MORC1: variants seen among roughly 807,000 people sequenced by gnomAD.
MORC1 encodes the protein MORC family CW-type zinc finger 1.
MORC1 carries 59 observed loss-of-function variants against 134.9 expected under a neutral mutation model. The observed-to-expected ratio is 0.44, with a 90% CI of 0.35 to 0.54. The LOEUF is 0.54. Among genes scored for constraint, MORC1 ranks in the 20% least tolerant of loss-of-function variants. The pLI is 0.00. For missense variants in MORC1, 947 were observed against 1,134.5 expected, an observed-to-expected ratio of 0.83 and a Z score of 2.37; for synonymous variants, 395 against 391.7, an observed-to-expected ratio of 1.01 and a Z score of -0.10.
intron 20 of MORC1, 48 bp from the exon 21 acceptor site, chr3:109,000,706 A>G: frequency 7.3e-7 from 1 of 1,375,452 alleles, no homozygotes; most frequent in African/African-American, 1.4e-5. Flanking sequence ...GTGGCAATCA[A>G]TGGTACATAC....
At chr3:108,990,214 T>A (rs1297114957) in intron 21 of MORC1, among the ~76,000 whole-genome samples, 1 of 152,158 alleles carries the variant, frequency 6.6e-6, no homozygotes, top group Non-Finnish European at 1.5e-5. Context: ...CCTACCTTTA[T>A]GGAACACATT....
intron 17 of MORC1, among the ~76,000 whole-genome samples, chr3:109,016,414 GA>G (rs1486071093): frequency 1.3e-5 from 2 of 151,620 alleles, no homozygotes; most frequent in East Asian, 1.9e-4. Context: ...TTATAGGAAG[GA>G]AAAAAAAGTT....
Position 108,996,280 on chromosome 3 carries a change from GCGCGCGCACACA to G in MORC1, c.2187+4265_2187+4276del, listed in dbSNP as rs1419247209. Among the ~76,000 whole-genome samples, 22 of 50,550 alleles carry G rather than the reference GCGCGCGCACACA, an allele frequency of 4.4e-4. 2 individuals are homozygous for G. The East Asian group carries it at 5.5e-3, about 13-fold the overall frequency. The allele number at this position is 50,550 out of a possible 152,430, so 33.2% of individuals were successfully genotyped here. On this transcript the variant is annotated intron_variant, in intron 21 of 27. Transcript: ENST00000232603. ...TGTGCACATGTGCGCGTGCGTGCGCGCGCGCGCACACACACACACACACACACAACTAGAATT... is the reference window on the plus strand; with the variant it reads ...TGTGCACATGTGCGCGTGCGTGCGCGCACACACACACACACAACTAGAATT...
intron 10 of MORC1, among the ~76,000 whole-genome samples, 164 bp from the exon 11 acceptor site, chr3:109,062,222 T>C (rs1950100192): frequency 6.6e-6 from 1 of 152,214 alleles, no homozygotes; most frequent in African/African-American, 2.4e-5. Context: ...TAAATTTTCC[T>C]TCTATTGGGG....
intron 21 of MORC1, among the ~76,000 whole-genome samples, chr3:108,995,080 C>A (rs149591058): frequency 2.8e-4 from 43 of 152,268 alleles, no homozygotes; most frequent in African/African-American, 9.9e-4. Context: ...ATGGAAAATA[C>A]CAGATCCATT....
At chr3:109,087,662 A>C (rs943517507) in intron 8 of MORC1, among the ~76,000 whole-genome samples, 1 of 152,158 alleles carries the variant, frequency 6.6e-6, no homozygotes, top group Non-Finnish European at 1.5e-5. Flanking sequence ...AAAGCAATTT[A>C]CAGATTCAAT....
At chr3:109,081,890 C>T (rs550761329) in intron 8 of MORC1, among the ~76,000 whole-genome samples, 64 of 152,268 alleles carry the variant, frequency 4.2e-4, no homozygotes, top group Admixed American at 1.4e-3. Flanking sequence ...TCCCCACTAT[C>T]CTGGGTTCCC....
chr3:108,968,063 A>G (rs2248535), intron 26 of MORC1, among the ~76,000 whole-genome samples: 60,028 of 152,016 alleles, frequency 0.39, 12,304 homozygotes, highest in Middle Eastern at 0.56. Context: ...AGTGCCTGGC[A>G]GCTCTAGTGG....
intron 14 of MORC1, among the ~76,000 whole-genome samples, chr3:109,037,466 A>G (rs1231495251): frequency 6.6e-6 from 1 of 152,144 alleles, no homozygotes; most frequent in African/African-American, 2.4e-5. Flanking sequence ...TTATACTTTA[A>G]GTTCTAGGGT....
At chr3:109,043,123 T>C (rs1262139935) in intron 14 of MORC1, among the ~76,000 whole-genome samples, 1 of 129,258 alleles carries the variant, frequency 7.7e-6, no homozygotes, top group African/African-American at 2.9e-5. Context: ...TCACAATAGC[T>C]AAAACATGGA....
chr3:109,078,829 A>T (rs1235537699), intron 8 of MORC1, among the ~76,000 whole-genome samples: 1 of 151,942 alleles, frequency 6.6e-6, no homozygotes, highest in Non-Finnish European at 1.5e-5. Context: ...AACAAAATCT[A>T]TCAGAGGAAA....
At chr3:109,040,099 AAAC>A (rs1046752336) in intron 14 of MORC1, among the ~76,000 whole-genome samples, 3 of 151,986 alleles carry the variant, frequency 2.0e-5, no homozygotes, top group East Asian at 1.9e-4. Flanking sequence ...ACAACAATTT[AAAC>A]AACAACAACA....
At chr3:109,010,234 T>C (rs1478509343) in intron 17 of MORC1, among the ~76,000 whole-genome samples, 5 of 152,278 alleles carry the variant, frequency 3.3e-5, no homozygotes, top group African/African-American at 9.6e-5. Context: ...CCATAGGTAA[T>C]AGTTGGTGAC....
At chr3:108,998,857 G>A (rs547685302) in intron 21 of MORC1, among the ~76,000 whole-genome samples, 31 of 152,194 alleles carry the variant, frequency 2.0e-4, no homozygotes, top group African/African-American at 7.0e-4. Context: ...CTACACACAA[G>A]TAATGTAAGA....
intron 8 of MORC1, among the ~76,000 whole-genome samples, chr3:109,090,561 A>T (rs1372616883): frequency 6.8e-6 from 1 of 146,040 alleles, no homozygotes; most frequent in African/African-American, 2.5e-5. Flanking sequence ...CAGAAGTTGC[A>T]GTGAGCCGAG....
At chr3:109,018,018 G>A (rs970053325) in intron 17 of MORC1, among the ~76,000 whole-genome samples, 1 of 152,154 alleles carries the variant, frequency 6.6e-6, no homozygotes, top group Non-Finnish European at 1.5e-5. Flanking sequence ...ATACATCTGG[G>A]AAGCAGCAGA....
chr3:109,095,074 TA>T lies in MORC1; in HGVS notation c.424-7del, dbSNP rs577310914. The T allele has an allele frequency of 9.1e-5, 141 of 1,546,832 alleles. No homozygotes were observed. The highest frequency in any genetic ancestry group is 4.0e-4 in the East Asian group (17 of 42,256). On this transcript the variant is annotated splice_region_variant and splice_polypyrimidine_tract_variant and intron_variant, in intron 6 of 27. Coordinates refer to ENST00000232603, the MANE Select transcript of MORC1 (RefSeq NM_014429.4). ...GAGGGCATTGGAACTACAACCTATT[TA>T]AAAAAAAACACATCAATTTACTATG...
intron 2 of MORC1, 42 bp downstream of exon 2, chr3:109,114,342 A>T (rs1043685399): frequency 6.5e-7 from 1 of 1,529,090 alleles, no homozygotes; most frequent in Non-Finnish European, 9.0e-7. Context: ...GAGTTATGTC[A>T]TGAAATTCCC....
intron 20 of MORC1, among the ~76,000 whole-genome samples, chr3:109,002,335 G>A (rs923422742): frequency 2.0e-5 from 3 of 152,124 alleles, no homozygotes; most frequent in African/African-American, 7.2e-5. Flanking sequence ...AGCCTCAGAA[G>A]TGTGTATCAG....
Sources: gnomAD v4.1 joint callset for allele counts (sites outside exome capture counted in the v4.1 genomes callset) on GRCh38, gnomAD v4.1.1 for gene constraint, MANE v1.5 for transcripts, NCBI Gene and HGNC (gene_info 2026-07-23, HGNC 2026-07-21) for gene names.